Variants in PISD observed in about 807,000 individuals in gnomAD.
PISD encodes the protein phosphatidylserine decarboxylase, also known as phosphatidylserine decarboxylase proenzyme, mitochondrial.
Under a neutral mutation model 43.5 loss-of-function variants are expected in PISD, and 31 were observed. The observed-to-expected ratio is 0.71, with a 90% CI of 0.54 to 0.96. PISD has a LOEUF of 0.96. Among genes scored for constraint, PISD ranks in the 40% least tolerant of loss-of-function variants. The pLI is 0.00. For synonymous variants in PISD, 259 were observed against 228.7 expected (o/e 1.13, Z -1.20); for missense variants, 523 against 548.4 (o/e 0.95, Z 0.46).
At chr22:31,644,272 C>T (rs1019558241) in intron 3 of PISD, among the ~76,000 whole-genome samples, 2 of 148,470 alleles carry the variant, frequency 1.3e-5, no homozygotes, top group Admixed American at 1.3e-4. Flanking sequence ...GGAGTCTTCA[C>T]TCTGTCACCC....
intron 1 of PISD, among the ~76,000 whole-genome samples, chr22:31,659,111 C>T (rs1438086744): frequency 1.3e-5 from 2 of 152,112 alleles, no homozygotes; most frequent in Non-Finnish European, 2.9e-5. Context: ...GCCTTAGCCT[C>T]CCAAAATGCT....
intron 3 of PISD, among the ~76,000 whole-genome samples, chr22:31,638,973 C>G (rs1379057843): frequency 6.6e-6 from 1 of 151,776 alleles, no homozygotes; most frequent in East Asian, 1.9e-4. Context: ...GACTGGATGA[C>G]AGAGTGAGAG....
intron 1 of PISD, 55 bp from the exon 2 acceptor site, chr22:31,650,833 G>A (rs2074011698): frequency 3.5e-6 from 4 of 1,126,980 alleles, no homozygotes; most frequent in Admixed American, 4.7e-5. Context: ...TAAAATTACT[G>A]GATTAATCGG....
At chr22:31,628,108 G>A in intron 3 of PISD, 3 of 985,522 alleles carry the variant, frequency 3.0e-6, no homozygotes, top group Non-Finnish European at 3.6e-6. Flanking sequence ...GGGTGTCAGT[G>A]CCTCCATATC....
At chr22:31,648,057 A>G (rs2073931097) in intron 3 of PISD, 44 bp downstream of exon 3, 2 of 1,529,312 alleles carry the variant, frequency 1.3e-6, no homozygotes, top group Non-Finnish European at 1.8e-6. Context: ...TGACAGACAA[A>G]GTTTGCTGGA....
chr22:31,636,603 G>C (rs903170744), intron 3 of PISD, among the ~76,000 whole-genome samples: 2 of 148,810 alleles, frequency 1.3e-5, no homozygotes, highest in East Asian at 2.0e-4. Flanking sequence ...GCAGTGGCAC[G>C]ATCTCGGCTC....
chr22:31,648,333 T>C (rs780778945), intron 2 of PISD, 57 bp from the exon 3 acceptor site: 6 of 1,459,362 alleles, frequency 4.1e-6, no homozygotes, highest in Middle Eastern at 3.5e-4. Flanking sequence ...GGAAGAGTCA[T>C]GCAAACACAG....
At chr22:31,633,664 G>A (rs974534383) in intron 3 of PISD, among the ~76,000 whole-genome samples, 10 of 152,076 alleles carry the variant, frequency 6.6e-5, no homozygotes, top group Non-Finnish European at 1.2e-4. Flanking sequence ...GCAGTGAGCC[G>A]AGATCGTACC....
At position 31,621,820 on chromosome 22, in the gene PISD, C is replaced by T; in HGVS notation, c.387G>A (p.Val129=). ...GCCTGCGCAGCCAGTGTGGCAGCTC[C>T]ACCTGATTGAGGCGACCCCAGGCCC... is the stretch of plus-strand genomic sequence containing the variant. ...LSRAWGRLNQ[V]ELPHWLRRPV... Residue 129 remains valine, a synonymous_variant, in exon 4 of 8, where the codon GTG becomes GTA. Transcript: ENST00000439502. 6.2e-7 allele frequency: 1 copy of T among 1,613,458 alleles called. No homozygotes were observed. Among genetic ancestry groups the T allele is most frequent in the Non-Finnish European group, 8.5e-7 (1 of 1,180,038 alleles).
chr22:31,654,877 A>G (rs1044113856), intron 1 of PISD, among the ~76,000 whole-genome samples: 1 of 152,048 alleles, frequency 6.6e-6, no homozygotes, highest in Non-Finnish European at 1.5e-5. Flanking sequence ...GGAGTTTGAG[A>G]CCAGCCTGGG....
chr22:31,635,214 T>C (rs2073389853), intron 3 of PISD, among the ~76,000 whole-genome samples: 1 of 152,138 alleles, frequency 6.6e-6, no homozygotes. Flanking sequence ...TAGAGCCTCC[T>C]GGCAGACAGC....
Position 31,619,560 on chromosome 22 carries a change from C to T in PISD, c.*52G>A. 1 of 1,493,416 alleles carries T rather than the reference C, an allele frequency of 6.7e-7. No homozygotes were observed. The highest frequency in any genetic ancestry group is 9.3e-7 in the Non-Finnish European group (1 of 1,074,314). The allele number at this position is 1,493,416 out of a possible 1,614,324, so 92.5% of individuals were successfully genotyped here. On this transcript the variant is annotated 3_prime_UTR_variant, in exon 8 of 8. Coordinates refer to ENST00000439502, the MANE Select transcript of PISD (RefSeq NM_001326411.2). Reference sequence around the variant, plus strand: ...TCATGGGCCTCCCTCTTGAAAAGACCCTCACTCTGTTTGGAAAAGATCCCT... The same window carrying T: ...TCATGGGCCTCCCTCTTGAAAAGACTCTCACTCTGTTTGGAAAAGATCCCT...
chr22:31,620,087 T>C (rs986488588), intron 7 of PISD, among the ~76,000 whole-genome samples: 1 of 152,212 alleles, frequency 6.6e-6, no homozygotes, highest in African/African-American at 2.4e-5. Context: ...GTGGTCTCCA[T>C]GCATGGTGCT....
chr22:31,637,128 TAATAATAAATAAATTA>T (rs2073470449), intron 3 of PISD, among the ~76,000 whole-genome samples: 1 of 69,076 alleles, frequency 1.4e-5, no homozygotes, highest in African/African-American at 5.5e-5. Flanking sequence ...CAAAAAAAAA[TAATAATAAATAAATTA>T]AAAAAAAAAA....
rs888840637 is a variant in PISD, at chr22:31,619,498, C to A, written c.*114G>T. 1 of 805,178 alleles carries A rather than the reference C, an allele frequency of 1.2e-6. No individual in the cohort carries two copies. Among genetic ancestry groups the A allele is most frequent in the Non-Finnish European group, 2.1e-6 (1 of 468,210 alleles). The allele number at this position is 805,178 out of a possible 1,614,324, so 49.9% of individuals were successfully genotyped here. A position where few individuals can be genotyped will look rare whatever the true frequency, so the allele number is the denominator to read the frequency against. On this transcript the variant is annotated 3_prime_UTR_variant, in exon 8 of 8. Coordinates refer to ENST00000439502, the MANE Select transcript of PISD (RefSeq NM_001326411.2). Reference sequence around the variant, plus strand: ...CATTCAAGTCCTACCTGGTCAGACTCCCAACCACGCTGAGGCAGGCCCTTA... The same window carrying A: ...CATTCAAGTCCTACCTGGTCAGACTACCAACCACGCTGAGGCAGGCCCTTA...
intron 3 of PISD, chr22:31,629,404 G>A: frequency 6.2e-6 from 1 of 160,798 alleles, no homozygotes; most frequent in Middle Eastern, 3.2e-3. Flanking sequence ...CGTATAGGTG[G>A]TGTGTGCGTA....
intron 3 of PISD, among the ~76,000 whole-genome samples, chr22:31,641,806 T>G (rs1205131834): frequency 6.6e-6 from 1 of 150,378 alleles, no homozygotes; most frequent in African/African-American, 2.5e-5. Flanking sequence ...GGCGACAGAG[T>G]GAGACGCCAT....
chr22:31,620,510 AGGTCT>A, intron 7 of PISD, 38 bp downstream of exon 7: 1 of 1,594,158 alleles, frequency 6.3e-7, no homozygotes, highest in Non-Finnish European at 8.6e-7. Context: ...TAGACCCAAG[AGGTCT>A]GGCCCTTGGG....
intron 3 of PISD, chr22:31,625,891 A>C: frequency 6.5e-7 from 1 of 1,545,616 alleles, no homozygotes; most frequent in South Asian, 1.2e-5. Flanking sequence ...CCTTCCCCCG[A>C]GCCAGCAGAT....
Sources: allele counts gnomAD v4.1 joint callset (sites outside exome capture counted in the v4.1 genomes callset), GRCh38; gene constraint gnomAD v4.1.1; transcripts MANE v1.5; gene names NCBI Gene and HGNC (gene_info 2026-07-23, HGNC 2026-07-21).